Variants in TYW5 observed in about 807,000 individuals in gnomAD.
TYW5 encodes the protein tRNA-yW synthesizing protein 5.
In TYW5, 36 loss-of-function variants were observed where a neutral mutation model predicts 44.4. The observed-to-expected ratio is 0.81, with a 90% CI of 0.62 to 1.07. The LOEUF (loss-of-function observed/expected upper bound fraction) is 1.07. Ranked by LOEUF, TYW5 falls within the 50% of genes least tolerant of loss-of-function variation. The pLI is 0.00. For missense variants in TYW5, 354 were observed against 365.7 expected, an observed-to-expected ratio of 0.97 and a Z score of 0.26; for synonymous variants, 121 against 128.1, an observed-to-expected ratio of 0.94 and a Z score of 0.37.
intron 1 of TYW5, among the ~76,000 whole-genome samples, chr2:199,950,283 G>C (rs2077534741): frequency 6.6e-6 from 1 of 152,114 alleles, no homozygotes; most frequent in Non-Finnish European, 1.5e-5. Flanking sequence ...TACTGAATTT[G>C]TAATTCCCAT....
intron 2 of TYW5, chr2:199,947,484 T>G (rs1406515540): frequency 6.6e-6 from 1 of 152,148 alleles, no homozygotes; most frequent in Non-Finnish European, 1.5e-5. Context: ...ATAACCATCA[T>G]GGGAGAAATT....
chr2:199,943,871 T>G, intron 2 of TYW5, 37 bp from the exon 3 acceptor site: 1 of 1,506,228 alleles, frequency 6.6e-7, no homozygotes, highest in Non-Finnish European at 9.1e-7. Context: ...GACTTAATAA[T>G]AACAGATCAA....
intron 2 of TYW5, chr2:199,946,513 T>C (rs569575471): frequency 6.6e-6 from 1 of 152,288 alleles, no homozygotes; most frequent in African/African-American, 2.4e-5. Flanking sequence ...ATGCCAACAA[T>C]ATCCTTTCAC....
intron 5 of TYW5, among the ~76,000 whole-genome samples, chr2:199,938,134 G>A (rs777408186): frequency 7.9e-5 from 12 of 151,030 alleles, no homozygotes; most frequent in Non-Finnish European, 1.8e-4. Context: ...GTGCGATCTC[G>A]GCTCACTGCA....
intron 7 of TYW5, among the ~76,000 whole-genome samples, chr2:199,935,252 A>C (rs1159108688): frequency 3.3e-5 from 5 of 152,098 alleles, no homozygotes; most frequent in Non-Finnish European, 7.4e-5. Context: ...GCTATAAAAA[A>C]TGTGTCTTAC....
chr2:199,948,545 G>T, intron 1 of TYW5, 73 bp from the exon 2 acceptor site: 3 of 1,498,524 alleles, frequency 2.0e-6, no homozygotes, highest in Non-Finnish European at 2.8e-6. Context: ...TTTGGCAACA[G>T]GGAGACAAAA....
At chr2:199,945,057 T>C (rs1238090324) in intron 2 of TYW5, 1 of 152,210 alleles carries the variant, frequency 6.6e-6, no homozygotes, top group Non-Finnish European at 1.5e-5. Flanking sequence ...AGCAGATGAT[T>C]TGGCTTTCCT....
At chr2:199,945,288 C>A (rs2077495554) in intron 2 of TYW5, 1 of 152,152 alleles carries the variant, frequency 6.6e-6, no homozygotes, top group Non-Finnish European at 1.5e-5. Flanking sequence ...ACTGATACTA[C>A]CCTGCTAGAA....
At chr2:199,934,906 G>A (rs2077407010) in intron 7 of TYW5, among the ~76,000 whole-genome samples, 1 of 152,000 alleles carries the variant, frequency 6.6e-6, no homozygotes, top group African/African-American at 2.4e-5. Flanking sequence ...AATCCAGACT[G>A]TATAGAAAAA....
chr2:199,948,021 G>A (rs1309694176), intron 2 of TYW5: 2 of 260,206 alleles, frequency 7.7e-6, no homozygotes, highest in East Asian at 2.3e-4. Flanking sequence ...GAACCCAGGA[G>A]GCAGAGGTTG....
chr2:199,946,382 T>G (rs1483921380), intron 2 of TYW5: 1 of 151,982 alleles, frequency 6.6e-6, no homozygotes, highest in Admixed American at 6.6e-5. Context: ...AAAATCAAGA[T>G]CAGAACTGAT....
chr2:199,941,438 G>A (rs924313163), intron 3 of TYW5, among the ~76,000 whole-genome samples: 6 of 152,130 alleles, frequency 3.9e-5, no homozygotes, highest in Admixed American at 6.5e-5. Context: ...TCAAGCACTT[G>A]GGCAATCCAA....
intron 2 of TYW5, chr2:199,944,291 C>T (rs1043609925): frequency 6.5e-6 from 1 of 154,180 alleles, no homozygotes; most frequent in Non-Finnish European, 1.4e-5. Flanking sequence ...ATAACCACCC[C>T]CCATATTCCT....
At position 199,933,096 on chromosome 2, in the gene TYW5, C is replaced by G; in HGVS notation, c.919G>C (p.Asp307His). The part of the protein sequence containing the change: ...YARRMVLHIQ[D>H]KAYSKNSE ...TCAGAGTTCTTGCTGTAGGCTTTGT[C>G]TTGAATGTGTAGGACCATTCGTCGT... The change falls in exon 8 of 8, where the codon GAC becomes CAC. Residue 307 changes from aspartate (D) to histidine (H), a missense_variant. Coordinates refer to ENST00000354611, the MANE Select transcript of TYW5 (RefSeq NM_001039693.3). 1 of 1,614,024 alleles carries G rather than the reference C, an allele frequency of 6.2e-7. No homozygotes were observed. Among genetic ancestry groups the G allele is most frequent in the Non-Finnish European group, 8.5e-7 (1 of 1,179,980 alleles).
intron 1 of TYW5, among the ~76,000 whole-genome samples, chr2:199,951,015 T>G (rs1360327550): frequency 6.6e-6 from 1 of 152,192 alleles, no homozygotes; most frequent in East Asian, 1.9e-4. Context: ...ACATAACAAT[T>G]CACCAAAAAT....
chr2:199,935,719 AACACACACACACACACACACACACAC>A (rs142361195), intron 7 of TYW5, among the ~76,000 whole-genome samples, 186 bp downstream of exon 7: 4 of 138,100 alleles, frequency 2.9e-5, no homozygotes, highest in Non-Finnish European at 4.7e-5. Context: ...GCCTGCTTTA[AACACACACACACACACACACACACAC>A]ACACACACAC....
chr2:199,935,287 TATA>T, intron 7 of TYW5, among the ~76,000 whole-genome samples: 1 of 151,454 alleles, frequency 6.6e-6, no homozygotes, highest in East Asian at 2.0e-4. Context: ...TAAAATAGAG[TATA>T]ATATTATTTT....
intron 1 of TYW5, among the ~76,000 whole-genome samples, chr2:199,954,462 G>C (rs1482310762): frequency 6.6e-6 from 1 of 151,876 alleles, no homozygotes; most frequent in Admixed American, 6.6e-5. Context: ...ACCGAGTTTA[G>C]CTCTTGTTGC....
chr2:199,936,248 A>G (rs1398362462), intron 6 of TYW5, among the ~76,000 whole-genome samples, 157 bp downstream of exon 6: 1 of 152,192 alleles, frequency 6.6e-6, no homozygotes, highest in African/African-American at 2.4e-5. Flanking sequence ...TACCCATGTA[A>G]TAAGATAATT....
Sources: allele counts gnomAD v4.1 joint callset (sites outside exome capture counted in the v4.1 genomes callset), GRCh38; gene constraint gnomAD v4.1.1; transcripts MANE v1.5; gene names NCBI Gene and HGNC (gene_info 2026-07-23, HGNC 2026-07-21).